The following HDAC4 variants were observed in gnomAD, a reference collection of about 807,000 sequenced individuals.
HDAC4 encodes the protein histone deacetylase 4.
A neutral mutation model predicts 135.1 loss-of-function variants in HDAC4; 16 were observed. That is an observed-to-expected ratio of 0.12 (90% confidence interval 0.08 to 0.18). HDAC4 has a LOEUF of 0.18. Among genes scored for constraint, HDAC4 ranks in the 10% least tolerant of loss-of-function variants. HDAC4 has a pLI of 1.00. For synonymous variants in HDAC4, 685 were observed against 653.4 expected, an observed-to-expected ratio of 1.05 and a Z score of -0.74; for missense variants, 1,143 against 1,511.8, an observed-to-expected ratio of 0.76 and a Z score of 4.05.
At chr2:239,158,818 C>T (rs539474201) in intron 6 of HDAC4, among the ~76,000 whole-genome samples, 1 of 152,194 alleles carries the variant, frequency 6.6e-6, no homozygotes, top group Non-Finnish European at 1.5e-5. Context: ...GGCCAGACCG[C>T]ACACGCGTGC....
Position 239,303,205 on chromosome 2 carries a change from C to G in HDAC4, c.22+49473G>C, listed in dbSNP as rs1303292952. Reference sequence around the variant, plus strand: ...TGTTCCCATCCCACACCCGGCTGCTCAGGCCTGGGGACAGGAGGGCACAGG... The same window carrying G: ...TGTTCCCATCCCACACCCGGCTGCTGAGGCCTGGGGACAGGAGGGCACAGG... On this transcript the variant is annotated intron_variant, in intron 2 of 26. Transcript: ENST00000543185. This position sits in a 1 kb window ranked among gnomAD's most constrained non-coding sequence, Gnocchi z 5.1. 6.6e-6 allele frequency among the ~76,000 whole-genome samples: 1 copy of G among 152,234 alleles called. No homozygotes were observed. The highest frequency in any genetic ancestry group is 1.5e-5 in the Non-Finnish European group (1 of 68,032).
At chr2:239,321,240 C>A (rs1322933933) in intron 2 of HDAC4, among the ~76,000 whole-genome samples, 1 of 152,048 alleles carries the variant, frequency 6.6e-6, no homozygotes, top group Non-Finnish European at 1.5e-5. Flanking sequence ...TGAAGGTGGG[C>A]GGATCACGAG....
chr2:239,364,458 T>C (rs1167692894), intron 1 of HDAC4, among the ~76,000 whole-genome samples: 10 of 152,050 alleles, frequency 6.6e-5, no homozygotes. Context: ...TCCGTGTGCA[T>C]AAAATGTGAA....
intron 3 of HDAC4, among the ~76,000 whole-genome samples, chr2:239,235,996 C>T (rs7602246): frequency 0.12 from 18,342 of 152,226 alleles, 1,215 homozygotes; most frequent in Non-Finnish European, 0.15. Flanking sequence ...GCCAAGATTA[C>T]GCCACTCCAC....
intron 19 of HDAC4, among the ~76,000 whole-genome samples, chr2:239,085,059 C>T (rs1038681306): frequency 6.6e-6 from 1 of 151,524 alleles, no homozygotes; most frequent in Non-Finnish European, 1.5e-5. Flanking sequence ...CACACACACA[C>T]ACACACACAC....
Position 239,050,173 on chromosome 2 carries a change from G to A in HDAC4, c.*2924C>T, listed in dbSNP as rs1394373615. 6.6e-6 allele frequency: 1 copy of A among 152,580 alleles called. No homozygotes were observed. Among genetic ancestry groups the A allele is most frequent in the Non-Finnish European group, 1.5e-5 (1 of 68,068 alleles). The allele number at this position is 152,580 out of a possible 1,614,324, so 9.5% of individuals were successfully genotyped here. Reference sequence around the variant, plus strand: ...CACATTTGTGAAGCTGGAGTGAGCTGACAGATGAAACGTGCCTCCCCCTGC... The same window carrying A: ...CACATTTGTGAAGCTGGAGTGAGCTAACAGATGAAACGTGCCTCCCCCTGC... On this transcript the variant is annotated 3_prime_UTR_variant, in exon 27 of 27. Transcript: ENST00000543185.
intron 2 of HDAC4, among the ~76,000 whole-genome samples, chr2:239,323,069 G>A (rs1290882963): frequency 6.6e-6 from 1 of 152,130 alleles, no homozygotes; most frequent in Non-Finnish European, 1.5e-5. Context: ...AAACAATCAT[G>A]ATAAGAACAA....
At position 239,240,292 on chromosome 2, in the gene HDAC4, C is replaced by G. The variant is rs891280538; in HGVS notation, c.23-3628G>C. On this transcript the variant is annotated intron_variant, in intron 2 of 26. Transcript: ENST00000543185. The surrounding 1 kb of genome is among the most constrained non-coding windows in gnomAD (Gnocchi z 4.5). ...CTGTCACCAGGGTGAAATAGACAAG[C>G]TGCGGTACACAGCCAGCTGGAACGC... Among the ~76,000 whole-genome samples the G allele has an allele frequency of 6.6e-6, 1 of 152,232 alleles. No individual in the cohort carries two copies. The highest frequency in any genetic ancestry group is 1.5e-5 in the Non-Finnish European group (1 of 68,042).
At chr2:239,178,381 C>G (rs941580370) in intron 4 of HDAC4, among the ~76,000 whole-genome samples, 1 of 152,110 alleles carries the variant, frequency 6.6e-6, no homozygotes, top group Non-Finnish European at 1.5e-5. Context: ...AGTGATCCTC[C>G]TACCTCAGAC....
intron 12 of HDAC4, among the ~76,000 whole-genome samples, chr2:239,123,069 C>T (rs929172854): frequency 2.6e-5 from 4 of 152,228 alleles, no homozygotes; most frequent in African/African-American, 7.2e-5. Flanking sequence ...TCCCGTAAAT[C>T]AATCAGAGAA....
rs2042130578 is a variant in HDAC4, at chr2:239,151,713, A to G, written c.733+4939T>C. Among the ~76,000 whole-genome samples, 3 of 152,208 alleles carry G rather than the reference A, an allele frequency of 2.0e-5. No individual in the cohort carries two copies. In the South Asian group the frequency reaches 6.2e-4, roughly 32 times the overall value. On this transcript the variant is annotated intron_variant, in intron 7 of 26. Coordinates refer to ENST00000543185, the MANE Select transcript of HDAC4 (RefSeq NM_001378414.1). ...CCAAGCCCTACCAGGCAGGCTAGAG[A>G]ATGCCGGAACAAGGCTGAAGTTACC...
intron 22 of HDAC4, among the ~76,000 whole-genome samples, chr2:239,072,326 A>C (rs1460874643): frequency 6.6e-6 from 1 of 152,248 alleles, no homozygotes; most frequent in African/African-American, 2.4e-5. Flanking sequence ...AACTTTTAAA[A>C]GTCTCCTGGT....
chr2:239,139,371 C>A lies in HDAC4; in HGVS notation c.978+313G>T, dbSNP rs150970751. Among the ~76,000 whole-genome samples, 3 of 152,108 alleles carry A rather than the reference C, an allele frequency of 2.0e-5. No individual in the cohort carries two copies. The highest frequency in any genetic ancestry group is 1.3e-4 in the Admixed American group (2 of 15,276). ...CTGTCCACCTAGAGCACCTGCCATG[C>A]GTGGGCTTGTGCTGGGACACCATCT... On this transcript the variant is annotated intron_variant, in intron 9 of 26. Coordinates refer to ENST00000543185, the MANE Select transcript of HDAC4 (RefSeq NM_001378414.1). The surrounding 1 kb of genome is among the most constrained non-coding windows in gnomAD (Gnocchi z 5.3).
At chr2:239,180,181 C>A (rs2044054808) in intron 4 of HDAC4, among the ~76,000 whole-genome samples, 2 of 152,196 alleles carry the variant, frequency 1.3e-5, no homozygotes, top group Non-Finnish European at 1.5e-5. Flanking sequence ...GGCCACCACA[C>A]CCTCTCCTGC....
At chr2:239,273,448 C>T (rs563233417) in intron 2 of HDAC4, among the ~76,000 whole-genome samples, 16 of 152,322 alleles carry the variant, frequency 1.1e-4, no homozygotes, top group African/African-American at 3.6e-4. Flanking sequence ...CTGTGTGAGC[C>T]GAAGAGCTGA....
chr2:239,253,502 C>A (rs927089187), intron 2 of HDAC4, among the ~76,000 whole-genome samples: 3 of 152,178 alleles, frequency 2.0e-5, no homozygotes, highest in African/African-American at 7.2e-5. Context: ...TTAACACGCG[C>A]CTGTAGTAAA....
intron 19 of HDAC4, among the ~76,000 whole-genome samples, chr2:239,085,287 G>C (rs1275291390): frequency 6.6e-6 from 1 of 152,076 alleles, no homozygotes; most frequent in African/African-American, 2.4e-5. Flanking sequence ...TTACTCAAGA[G>C]ACCAAGAAAA....
At chr2:239,225,276 C>T (rs754327243) in intron 3 of HDAC4, among the ~76,000 whole-genome samples, 2 of 152,212 alleles carry the variant, frequency 1.3e-5, no homozygotes, top group Non-Finnish European at 2.9e-5. Flanking sequence ...AAGGGAAGCA[C>T]AGCACAGAAC....
intron 2 of HDAC4, among the ~76,000 whole-genome samples, chr2:239,311,441 C>G (rs935963249): frequency 8.5e-5 from 13 of 152,222 alleles, no homozygotes; most frequent in Admixed American, 4.6e-4. Flanking sequence ...ATCCGCAGAA[C>G]ACATAACTCC....
Sources: gnomAD v4.1 joint callset for allele counts (sites outside exome capture counted in the v4.1 genomes callset) on GRCh38, gnomAD v4.1.1 for gene constraint, Gnocchi (gnomAD v3.1) non-coding constraint, MANE v1.5 for transcripts, NCBI Gene and HGNC (gene_info 2026-07-23, HGNC 2026-07-21) for gene names.